QRFPR: variants seen among roughly 807,000 people sequenced by gnomAD.
QRFPR encodes the protein pyroglutamylated RFamide peptide receptor, also known as pyroglutamylated RF-amide peptide receptor.
In QRFPR, 37 loss-of-function variants were observed where a neutral mutation model predicts 31.3. The ratio of observed to expected loss-of-function variants is 1.18; its 90% confidence interval spans 0.91 to 1.56. The LOEUF (loss-of-function observed/expected upper bound fraction) is 1.56. Among genes scored for constraint, QRFPR ranks in the 40% most tolerant of loss-of-function variants. The probability of loss-of-function intolerance (pLI) is 0.00; values close to 1 mark genes in which losing one functional copy is unlikely to be tolerated. For synonymous variants in QRFPR, 197 were observed against 192.0 expected, an observed-to-expected ratio of 1.03 and a Z score of -0.22; for missense variants, 542 against 532.5, an observed-to-expected ratio of 1.02 and a Z score of -0.18.
chr4:121,349,814 C>T (rs13131526), intron 1 of QRFPR, among the ~76,000 whole-genome samples: 90,546 of 152,040 alleles, frequency 0.6, 29,119 homozygotes, highest in Non-Finnish European at 0.71. Context: ...ATTGTTCATA[C>T]GCATGCTACT....
chr4:121,341,057 C>T (rs2110470547), intron 1 of QRFPR, among the ~76,000 whole-genome samples: 1 of 152,314 alleles, frequency 6.6e-6, no homozygotes, highest in Admixed American at 6.5e-5. Context: ...CATTTATTCT[C>T]CTTTGACTCC....
chr4:121,366,056 T>C (rs1726130117), intron 1 of QRFPR, among the ~76,000 whole-genome samples: 1 of 149,124 alleles, frequency 6.7e-6, no homozygotes, highest in African/African-American at 2.5e-5. Context: ...CTCAAACTAG[T>C]ACCTGAGTTC....
At chr4:121,331,134 A>G (rs1725313344) in intron 4 of QRFPR, among the ~76,000 whole-genome samples, 1 of 149,122 alleles carries the variant, frequency 6.7e-6, no homozygotes, top group Non-Finnish European at 1.5e-5. Flanking sequence ...GGGAAGTTCC[A>G]GGGATATAAT....
chr4:121,368,001 C>T lies in QRFPR; in HGVS notation c.340+12307G>A, dbSNP rs1173331689. On this transcript the variant is annotated intron_variant, in intron 1 of 5. Coordinates refer to ENST00000394427, the MANE Select transcript of QRFPR (RefSeq NM_198179.3). ...ACTCCAGGGCCTCTCTATGGAAAGG[C>T]CAGCTTCTTACACAGACAAGGTACT... Among the ~76,000 whole-genome samples the T allele has an allele frequency of 2.0e-5, 3 of 148,962 alleles. No homozygotes were observed. In the East Asian group the frequency reaches 6.0e-4, roughly 30 times the overall value.
Position 121,329,221 on chromosome 4 carries a change from T to C in QRFPR, c.*93A>G, listed in dbSNP as rs1725271138. The C allele has an allele frequency of 1.0e-6, 1 of 995,652 alleles. No homozygotes were observed. The highest frequency in any genetic ancestry group is 1.5e-6 in the Non-Finnish European group (1 of 689,142). 61.7% of individuals were successfully genotyped at this position (995,652 alleles called of 1,614,324 possible). On this transcript the variant is annotated 3_prime_UTR_variant, in exon 6 of 6. Transcript: ENST00000394427. ...GATTTGTTTTCTTCTTGTCATCATC[T>C]TAAGAATAAAAAGAGTATTTGACCT...
At chr4:121,370,534 C>T (rs548984007) in intron 1 of QRFPR, among the ~76,000 whole-genome samples, 108 of 152,288 alleles carry the variant, frequency 7.1e-4, no homozygotes, top group Non-Finnish European at 1.2e-3. Context: ...TGCCTGTGGC[C>T]GGGAGTCCGG....
intron 4 of QRFPR, among the ~76,000 whole-genome samples, chr4:121,331,423 A>G (rs919760633): frequency 5.3e-5 from 8 of 150,944 alleles, no homozygotes; most frequent in South Asian, 2.1e-4. Flanking sequence ...GGCTCAAGCA[A>G]TCTTCCAACT....
Position 121,329,394 on chromosome 4 carries a change from C to G in QRFPR, c.1216G>C (p.Glu406Gln). 1 of 1,614,112 alleles carries G rather than the reference C, an allele frequency of 6.2e-7. No homozygotes were observed. Among genetic ancestry groups the G allele is most frequent in the Non-Finnish European group, 8.5e-7 (1 of 1,179,984 alleles). Reference protein sequence around the residue: ...IEVKLCEQTEEKKKLKRHLAL... With the variant: ...IEVKLCEQTEQKKKLKRHLAL... The stretch of plus-strand genomic sequence containing the variant: ...AGATGTCGTTTGAGCTTTTTCTTCT[C>G]CTCTGTCTGTTCACACAATTTGACT... Residue 406 changes from glutamate (E) to glutamine (Q), a missense_variant, in exon 6 of 6, where the codon GAG becomes CAG. Glu to Gln is a conservative substitution (Grantham distance 29). Coordinates refer to ENST00000394427, the MANE Select transcript of QRFPR (RefSeq NM_198179.3).
At chr4:121,373,301 T>C (rs1726287522) in intron 1 of QRFPR, among the ~76,000 whole-genome samples, 1 of 152,210 alleles carries the variant, frequency 6.6e-6, no homozygotes, top group African/African-American at 2.4e-5. Context: ...TAAATGCTGT[T>C]GCTGTTACTG....
At chr4:121,343,655 G>GT (rs200402935) in intron 1 of QRFPR, among the ~76,000 whole-genome samples, 9,895 of 151,986 alleles carry the variant, frequency 0.065, 391 homozygotes, top group East Asian at 0.11. Context: ...TTTATCCTAG[G>GT]TTTTTTTTCT....
intron 1 of QRFPR, among the ~76,000 whole-genome samples, chr4:121,378,026 T>C (rs1482537923): frequency 2.0e-5 from 3 of 152,154 alleles, no homozygotes. Flanking sequence ...ATTTTGGTAT[T>C]ATTTACTCAA....
At chr4:121,352,656 T>C (rs1156438182) in intron 1 of QRFPR, among the ~76,000 whole-genome samples, 3 of 152,048 alleles carry the variant, frequency 2.0e-5, no homozygotes, top group Non-Finnish European at 4.4e-5. Context: ...GCATACAATA[T>C]GTAATGATCA....
intron 3 of QRFPR, among the ~76,000 whole-genome samples, chr4:121,333,384 G>A (rs1579567867): frequency 6.6e-6 from 1 of 152,100 alleles, no homozygotes; most frequent in East Asian, 1.9e-4. Context: ...CACTATATTT[G>A]CCAAAGTATA....
At chr4:121,351,635 T>A (rs1579578449) in intron 1 of QRFPR, among the ~76,000 whole-genome samples, 1 of 152,130 alleles carries the variant, frequency 6.6e-6, no homozygotes, top group East Asian at 1.9e-4. Flanking sequence ...GAAGTAATAA[T>A]GGAAGGAATA....
chr4:121,374,804 G>A (rs2110485747), intron 1 of QRFPR, among the ~76,000 whole-genome samples: 1 of 152,328 alleles, frequency 6.6e-6, no homozygotes. Context: ...AAAAGTGCAT[G>A]AATGTGTACT....
chr4:121,340,156 T>C (rs1725514370), intron 2 of QRFPR: 1 of 297,980 alleles, frequency 3.4e-6, no homozygotes, highest in Non-Finnish European at 6.4e-6. Flanking sequence ...CTAATGAGTG[T>C]TAATGTGGCA....
chr4:121,344,837 CCCAAT>C (rs1244924353), intron 1 of QRFPR, among the ~76,000 whole-genome samples: 5 of 152,122 alleles, frequency 3.3e-5, no homozygotes, highest in African/African-American at 1.2e-4. Flanking sequence ...CTTTATCTTT[CCCAAT>C]GTGAATTGTA....
chr4:121,380,080 T>C (rs1158475923), intron 1 of QRFPR, among the ~76,000 whole-genome samples: 1 of 151,854 alleles, frequency 6.6e-6, no homozygotes. Flanking sequence ...AAAGAACTTA[T>C]GTCCAGGTGA....
rs139026440 is a variant in QRFPR at position 121,375,025 on chromosome 4, A to G, written c.340+5283T>C. The stretch of plus-strand genomic sequence containing the variant: ...CACAGCAGGATGAAAGTGGATACAG[A>G]ACCCAGCAGGATCCTAGCAAGGCCA... On this transcript the variant is annotated intron_variant, in intron 1 of 5. Transcript: ENST00000394427. Among the ~76,000 whole-genome samples the G allele has an allele frequency of 4.5e-3, 690 of 152,188 alleles. 4 individuals are homozygous for G. Among genetic ancestry groups the G allele is most frequent in the African/African-American group, 0.016 (657 of 41,510 alleles).
Sources: gnomAD v4.1 joint callset for allele counts (sites outside exome capture counted in the v4.1 genomes callset) on GRCh38, gnomAD v4.1.1 for gene constraint, MANE v1.5 for transcripts, NCBI Gene and HGNC (gene_info 2026-07-23, HGNC 2026-07-21) for gene names.